ATRNL1: variants seen among roughly 807,000 people sequenced by gnomAD.
ATRNL1 encodes attractin like 1.
ATRNL1 carries 95 observed loss-of-function variants against 182.7 expected under a neutral mutation model. The ratio of observed to expected loss-of-function variants is 0.52; its 90% CI spans 0.44 to 0.62. ATRNL1 has a LOEUF of 0.62. ATRNL1 is among the 20% of genes least tolerant of loss of function. The pLI is 0.00. For missense variants in ATRNL1, 1,471 were observed against 1,679.5 expected (o/e 0.88, Z 2.17); for synonymous variants, 576 against 568.3 (o/e 1.01, Z -0.19).
At chr10:115,204,143 A>T (rs1352694624) in intron 8 of ATRNL1, among the ~76,000 whole-genome samples, 1 of 151,962 alleles carries the variant, frequency 6.6e-6, no homozygotes, top group Non-Finnish European at 1.5e-5. Context: ...TTGTACGTTT[A>T]TTCATATCCT....
At chr10:115,762,300 T>G (rs116035557) in intron 27 of ATRNL1, among the ~76,000 whole-genome samples, 69,875 of 151,906 alleles carry the variant, frequency 0.46, 17,727 homozygotes, top group East Asian at 0.68. Context: ...ACTGATGACT[T>G]CTTCAGAAAG....
At chr10:115,645,316 T>C (rs1177810743) in intron 26 of ATRNL1, among the ~76,000 whole-genome samples, 8 of 151,226 alleles carry the variant, frequency 5.3e-5, no homozygotes, top group Non-Finnish European at 1.2e-4. Context: ...TCTAAATACA[T>C]TGTTTCTTGA....
intron 27 of ATRNL1, among the ~76,000 whole-genome samples, chr10:115,822,999 T>C (rs1950340359): frequency 6.6e-6 from 1 of 152,176 alleles, no homozygotes; most frequent in African/African-American, 2.4e-5. Flanking sequence ...TTCAGTCTAA[T>C]ATCCCTGATG....
At chr10:115,903,996 G>A (rs1267975964) in intron 28 of ATRNL1, among the ~76,000 whole-genome samples, 2 of 152,158 alleles carry the variant, frequency 1.3e-5, no homozygotes, top group Admixed American at 6.5e-5. Flanking sequence ...AAGGGTACAG[G>A]GAGGAAGCAT....
At chr10:115,397,444 T>C (rs1418842531) in intron 20 of ATRNL1, among the ~76,000 whole-genome samples, 1 of 152,008 alleles carries the variant, frequency 6.6e-6, no homozygotes, top group East Asian at 1.9e-4. Flanking sequence ...TGTTAATTTC[T>C]TTTCTTGCAT....
chr10:115,558,664 C>G (rs1282073830), intron 26 of ATRNL1, among the ~76,000 whole-genome samples: 4 of 152,100 alleles, frequency 2.6e-5, no homozygotes, highest in Admixed American at 1.3e-4. Flanking sequence ...TTTGATCCAG[C>G]TTTGGGAAGT....
At chr10:115,156,130 A>G (rs559249598) in intron 5 of ATRNL1, among the ~76,000 whole-genome samples, 16 of 152,264 alleles carry the variant, frequency 1.1e-4, no homozygotes, top group African/African-American at 3.6e-4. Flanking sequence ...GGACAGCAAG[A>G]CTGATAACGT....
intron 14 of ATRNL1, among the ~76,000 whole-genome samples, chr10:115,285,325 T>G (rs1852556351): frequency 6.6e-6 from 1 of 152,126 alleles, no homozygotes. Context: ...TTTTTAAGAC[T>G]TAAAGACCAA....
intron 26 of ATRNL1, among the ~76,000 whole-genome samples, chr10:115,710,342 A>G (rs1947026594): frequency 1.3e-5 from 2 of 152,144 alleles, no homozygotes; most frequent in African/African-American, 4.8e-5. Flanking sequence ...CATTTTGAAG[A>G]TGGTGGCTGC....
At chr10:115,095,810 C>G (rs138825705) in intron 1 of ATRNL1, among the ~76,000 whole-genome samples, 34 of 152,054 alleles carry the variant, frequency 2.2e-4, no homozygotes, top group Non-Finnish European at 4.3e-4. Context: ...AGTGAAAAAG[C>G]CTCATCCATT....
At chr10:115,102,430 A>T (rs1196570666) in intron 1 of ATRNL1, among the ~76,000 whole-genome samples, 1 of 150,026 alleles carries the variant, frequency 6.7e-6, no homozygotes, top group Non-Finnish European at 1.5e-5. Flanking sequence ...ATGTATGTAT[A>T]TGTGTATATA....
intron 18 of ATRNL1, among the ~76,000 whole-genome samples, chr10:115,329,171 G>T (rs934364842): frequency 6.6e-6 from 1 of 151,800 alleles, no homozygotes; most frequent in Non-Finnish European, 1.5e-5. Flanking sequence ...TTAGGAGCAT[G>T]TTCTTTAATT....
intron 28 of ATRNL1, among the ~76,000 whole-genome samples, chr10:115,900,878 T>C (rs1253902462): frequency 7.9e-5 from 12 of 152,228 alleles, no homozygotes; most frequent in Admixed American, 7.8e-4. Flanking sequence ...AAGGGTCATT[T>C]TACGGAAGAA....
At chr10:115,211,649 A>C (rs781956680) in intron 8 of ATRNL1, among the ~76,000 whole-genome samples, 10 of 151,850 alleles carry the variant, frequency 6.6e-5, no homozygotes, top group Non-Finnish European at 1.3e-4. Context: ...TTTAGAGTAC[A>C]TGTGCACAAT....
At chr10:115,899,434 G>A (rs1162240085) in intron 28 of ATRNL1, among the ~76,000 whole-genome samples, 1 of 151,928 alleles carries the variant, frequency 6.6e-6, no homozygotes, top group Non-Finnish European at 1.5e-5. Context: ...TCAGCCTACC[G>A]AGCAGCTGGG....
At chr10:115,869,660 T>C (rs1355853772) in intron 28 of ATRNL1, among the ~76,000 whole-genome samples, 9 of 152,240 alleles carry the variant, frequency 5.9e-5, no homozygotes, top group African/African-American at 2.2e-4. Flanking sequence ...ATAAAATTAA[T>C]GTTTTCATTG....
chr10:115,590,086 C>T (rs1471975081), intron 26 of ATRNL1, among the ~76,000 whole-genome samples: 1 of 152,188 alleles, frequency 6.6e-6, no homozygotes, highest in Non-Finnish European at 1.5e-5. Context: ...AAAGCATTGA[C>T]TCCTCCAGCC....
intron 21 of ATRNL1, among the ~76,000 whole-genome samples, chr10:115,460,317 A>G (rs1847731304): frequency 6.6e-6 from 1 of 152,108 alleles, no homozygotes; most frequent in Non-Finnish European, 1.5e-5. Context: ...AATATCTTTA[A>G]AATTAAGCTC....
intron 28 of ATRNL1, among the ~76,000 whole-genome samples, chr10:115,867,795 T>C (rs761188921): frequency 2.0e-5 from 3 of 151,612 alleles, no homozygotes; most frequent in Non-Finnish European, 2.9e-5. Context: ...TGGAGTGCAG[T>C]GGCACGATCT....
Sources: gnomAD v4.1 joint callset for allele counts (sites outside exome capture counted in the v4.1 genomes callset) on GRCh38, gnomAD v4.1.1 for gene constraint, MANE v1.5 for transcripts, NCBI Gene and HGNC (gene_info 2026-07-23, HGNC 2026-07-21) for gene names.